PRR19: variants seen among roughly 807,000 people sequenced by gnomAD.
The protein encoded by PRR19 is proline rich 19.
A neutral mutation model predicts 19.2 loss-of-function variants in PRR19; 9 were observed. The ratio of observed to expected loss-of-function variants is 0.47; its 90% confidence interval spans 0.28 to 0.82. The LOEUF (loss-of-function observed/expected upper bound fraction) is 0.82, where lower values mean the gene tolerates loss of function less well. PRR19 is among the 40% of genes least tolerant of loss of function. The pLI is 0.11. For synonymous variants in PRR19, 190 were observed against 191.0 expected (o/e 0.99, Z 0.04); for missense variants, 457 against 466.0 (o/e 0.98, Z 0.18).
chr19:42,308,977 C>T (rs573804119), intron 1 of PRR19: 138 of 152,306 alleles, frequency 9.1e-4, no homozygotes, highest in Non-Finnish European at 1.7e-3. Flanking sequence ...GTGGCACAAT[C>T]GTGACTCACT....
At chr19:42,306,007 A>G (rs1411494242) in intron 1 of PRR19, among the ~76,000 whole-genome samples, 1 of 151,554 alleles carries the variant, frequency 6.6e-6, no homozygotes, top group Non-Finnish European at 1.5e-5. Flanking sequence ...GAGTCGCTGA[A>G]TATACAGTCG....
rs753867306 is a variant in PRR19 at position 42,309,807 on chromosome 19, G to T, written c.223G>T (p.Gly75Cys). 1 of 1,614,028 alleles carries T rather than the reference G, an allele frequency of 6.2e-7. No individual in the cohort carries two copies. The part of the protein sequence containing the change: ...TQGRLSREHR[G>C]LFNHEVKSLD... ...GGGCCGGCTGAGCCGGGAGCACCGG[G>T]GTCTCTTCAACCACGAGGTGAAATC... The change falls in exon 2 of 3, where the codon GGT (glycine) becomes TGT (cysteine). Residue 75 changes from glycine (G) to cysteine (C), a missense_variant. By Grantham distance (159) the Gly-to-Cys change is radical (BLOSUM62 -3). Coordinates refer to ENST00000341747, the MANE Select transcript of PRR19 (RefSeq NM_199285.3).
Position 42,310,457 on chromosome 19 carries a change from C to T in PRR19, c.788C>T (p.Pro263Leu), listed in dbSNP as rs1253289624. 1 of 1,614,176 alleles carries T rather than the reference C, an allele frequency of 6.2e-7. No homozygotes were observed. The highest frequency in any genetic ancestry group is 2.2e-5 in the East Asian group (1 of 44,880). The change falls in exon 3 of 3, where the codon CCA becomes CTA. Residue 263 changes from proline (P) to leucine (L), a missense_variant. Pro to Leu is a moderately conservative substitution (Grantham distance 98, BLOSUM62 -3). Coordinates refer to ENST00000341747, the MANE Select transcript of PRR19 (RefSeq NM_199285.3). ...GSLAPPRGPW[P>L]PYFPSLSSPS... ...CTGGCACCGCCAAGAGGTCCCTGGC[C>T]ACCATACTTTCCCTCACTGTCTTCG...
At chr19:42,306,529 C>G (rs2038708505) in intron 1 of PRR19, among the ~76,000 whole-genome samples, 1 of 152,090 alleles carries the variant, frequency 6.6e-6, no homozygotes, top group African/African-American at 2.4e-5. Context: ...GTCTTGAACT[C>G]TTGGGCTCAA....
At chr19:42,308,261 C>T (rs571282378) in intron 1 of PRR19, among the ~76,000 whole-genome samples, 69 of 152,182 alleles carry the variant, frequency 4.5e-4, no homozygotes, top group Admixed American at 8.5e-4. Flanking sequence ...AGGTCTCACT[C>T]TCTTGCCCAG....
At chr19:42,305,367 C>A (rs916088424) in intron 1 of PRR19, among the ~76,000 whole-genome samples, 5 of 151,310 alleles carry the variant, frequency 3.3e-5, no homozygotes, top group African/African-American at 1.2e-4. Flanking sequence ...CAACCTCTGC[C>A]TCCCAGGTTC....
chr19:42,306,711 C>A (rs781291206), intron 1 of PRR19, among the ~76,000 whole-genome samples: 1 of 152,182 alleles, frequency 6.6e-6, no homozygotes, highest in African/African-American at 2.4e-5. Context: ...CTCAACTAGC[C>A]CTCGAAAGAC....
At chr19:42,307,529 G>T (rs913786672) in intron 1 of PRR19, among the ~76,000 whole-genome samples, 1 of 151,446 alleles carries the variant, frequency 6.6e-6, no homozygotes, top group Non-Finnish European at 1.5e-5. Flanking sequence ...TCCGCCTCCC[G>T]ATTTCAAGCG....
At chr19:42,308,467 C>T (rs1008699915) in intron 1 of PRR19, among the ~76,000 whole-genome samples, 2 of 148,112 alleles carry the variant, frequency 1.4e-5, no homozygotes, top group African/African-American at 5.0e-5. Context: ...GGCGCAATCT[C>T]GGCTTACTGC....
In PRR19 at chr19:42,302,329, C is replaced by A; in HGVS notation, c.-181C>A. 1.3e-6 allele frequency: 2 copies of A among 1,586,132 alleles called. No individual in the cohort carries two copies. The highest frequency in any genetic ancestry group is 1.7e-6 in the Non-Finnish European group (2 of 1,168,386). On this transcript the variant is annotated 5_prime_UTR_variant, in exon 1 of 3. Coordinates refer to ENST00000341747, the MANE Select transcript of PRR19 (RefSeq NM_199285.3). ...ACTCATCTTGGCGCCGCAGCTCCTG[C>A]AGGATGAGCGAGTCGGGTCGGCCCG...
chr19:42,304,278 G>A (rs746336358), intron 1 of PRR19, among the ~76,000 whole-genome samples: 73 of 151,860 alleles, frequency 4.8e-4, no homozygotes, highest in Middle Eastern at 3.4e-3. Context: ...CCCAGCTTGG[G>A]TGACACAGCG....
At position 42,302,268 on chromosome 19, in the gene PRR19, C is replaced by T; in HGVS notation, c.-242C>T. ...AGCGCCCGTCGCCCTGTACGTCCTGCACCGGCGTGGGCTTGCTGGCTGGGT... is the reference window on the plus strand; with the variant it reads ...AGCGCCCGTCGCCCTGTACGTCCTGTACCGGCGTGGGCTTGCTGGCTGGGT... On this transcript the variant is annotated 5_prime_UTR_variant, in exon 1 of 3. Transcript: ENST00000341747. 1 of 1,607,284 alleles carries T rather than the reference C, an allele frequency of 6.2e-7. No homozygotes were observed. The highest frequency in any genetic ancestry group is 1.3e-5 in the African/African-American group (1 of 74,972).
Position 42,310,362 on chromosome 19 carries a change from A to T in PRR19, c.693A>T (p.Gln231His). 6.2e-7 allele frequency: 1 copy of T among 1,614,110 alleles called. No homozygotes were observed. Among genetic ancestry groups the T allele is most frequent in the Non-Finnish European group, 8.5e-7 (1 of 1,179,994 alleles). The change falls in exon 3 of 3, where the codon CAA becomes CAT. Residue 231 changes from glutamine to histidine, a missense_variant. Transcript: ENST00000341747. Reference sequence around the variant, plus strand: ...CAGAGCAGGAGAGGCAAAGGAAGCAACAAGGGACAAAGGAGTTCACCTTCC... The same window carrying T: ...CAGAGCAGGAGAGGCAAAGGAAGCATCAAGGGACAAAGGAGTTCACCTTCC... ...QVPEQERQRK[Q>H]QGTKEFTFPM...
chr19:42,304,511 G>C (rs2147393136), intron 1 of PRR19, among the ~76,000 whole-genome samples: 1 of 151,530 alleles, frequency 6.6e-6, no homozygotes, highest in South Asian at 2.1e-4. Flanking sequence ...CCAGCACTTT[G>C]GGAGGCCGAG....
chr19:42,303,035 C>A (rs1239684720), intron 1 of PRR19, among the ~76,000 whole-genome samples: 1 of 150,792 alleles, frequency 6.6e-6, no homozygotes, highest in Admixed American at 6.6e-5. Context: ...CCTATCTACT[C>A]GTGGGCTTCC....
At chr19:42,306,452 C>T (rs910917912) in intron 1 of PRR19, among the ~76,000 whole-genome samples, 4 of 152,202 alleles carry the variant, frequency 2.6e-5, no homozygotes, top group African/African-American at 4.8e-5. Context: ...GGATTACAGG[C>T]GTGAGCCACC....
chr19:42,303,397 A>G (rs1265797607), intron 1 of PRR19: 1 of 151,880 alleles, frequency 6.6e-6, no homozygotes, highest in Non-Finnish European at 1.5e-5. Flanking sequence ...GAGCTCTGAA[A>G]CCTACATCCA....
chr19:42,304,227 G>A (rs2038681769), intron 1 of PRR19, among the ~76,000 whole-genome samples: 1 of 152,084 alleles, frequency 6.6e-6, no homozygotes, highest in African/African-American at 2.4e-5. Context: ...GTTGCAGTGA[G>A]CTGAGATCGC....
At position 42,309,797 on chromosome 19, in the gene PRR19, G is replaced by A; in HGVS notation, c.213G>A (p.Arg71=). ...TCATAACCCAGGGCCGGCTGAGCCG[G>A]GAGCACCGGGGTCTCTTCAACCACG... ...LVVITQGRLS[R]EHRGLFNHEV... The change falls in exon 2 of 3, where the codon CGG becomes CGA. Residue 71 remains arginine, a synonymous_variant. Transcript: ENST00000341747. 1.2e-6 allele frequency: 2 copies of A among 1,613,922 alleles called. No individual in the cohort carries two copies. The highest frequency in any genetic ancestry group is 2.2e-5 in the South Asian group (2 of 91,068).
Sources: gnomAD v4.1 joint callset for allele counts (sites outside exome capture counted in the v4.1 genomes callset) on GRCh38, gnomAD v4.1.1 for gene constraint, MANE v1.5 for transcripts, NCBI Gene and HGNC (gene_info 2026-07-23, HGNC 2026-07-21) for gene names.